The following CLCN7 variants were observed in gnomAD, a reference collection of about 807,000 sequenced individuals.
CLCN7 encodes Cl-/H+ antiporter 7, also known as H(+)/Cl(-) exchange transporter 7.
CLCN7 carries 60 observed loss-of-function variants against 102.1 expected under a neutral mutation model. The ratio of observed to expected loss-of-function variants is 0.59; its 90% CI spans 0.48 to 0.73. CLCN7 has a LOEUF of 0.73. Among genes scored for constraint, CLCN7 ranks in the 30% least tolerant of loss-of-function variants. The pLI, the probability that CLCN7 is intolerant of heterozygous loss-of-function variation, is 0.00. For missense variants in CLCN7, 962 were observed against 1,125.7 expected (o/e 0.85, Z 2.08); for synonymous variants, 560 against 490.5 (o/e 1.14, Z -1.87).
At chr16:1,449,715 G>A (rs2038713798) in intron 17 of CLCN7, 1 of 288,064 alleles carries the variant, frequency 3.5e-6, no homozygotes, top group Non-Finnish European at 6.6e-6. Flanking sequence ...CAGAAAGCGG[G>A]GCACGAGGGT....
intron 6 of CLCN7, 77 bp downstream of exon 6, chr16:1,460,341 G>C: frequency 9.3e-7 from 1 of 1,074,320 alleles, no homozygotes. Context: ...TGGGTGAGCT[G>C]CAGGGGTTCC....
intron 4 of CLCN7, 82 bp downstream of exon 4, chr16:1,461,323 C>A (rs1383431252): frequency 5.6e-6 from 7 of 1,247,850 alleles, no homozygotes; most frequent in African/African-American, 1.5e-5. Context: ...CGTCACCTCA[C>A]CCCGGCAGAA....
chr16:1,462,670 A>C (rs1367071316), intron 2 of CLCN7, among the ~76,000 whole-genome samples: 1 of 142,482 alleles, frequency 7.0e-6, no homozygotes, highest in Non-Finnish European at 1.5e-5. Context: ...AAAGCCAAAA[A>C]AAAAAAAAAA....
intron 11 of CLCN7, 47 bp from the exon 12 acceptor site, chr16:1,455,297 G>T: frequency 8.2e-7 from 1 of 1,223,386 alleles, no homozygotes; most frequent in Non-Finnish European, 1.2e-6. Flanking sequence ...CACGCTCCCA[G>T]CCCAGGGCTC....
chr16:1,461,569 G>A (rs1021684466), intron 3 of CLCN7, 34 bp downstream of exon 3: 11 of 1,611,896 alleles, frequency 6.8e-6, no homozygotes, highest in Non-Finnish European at 9.3e-6. Flanking sequence ...GCAGAGGCCG[G>A]GTCTCAGGGT....
Position 1,448,805 on chromosome 16 carries a change from C to T in CLCN7, c.1798-39G>A, listed in dbSNP as rs1222957319. ...GGGAACACAGGGCTTGAGGAGTCCA[C>T]ACCCACCCCTGGAGCCCCGAGCCTA... On this transcript the variant is annotated intron_variant, in intron 19 of 24. Transcript: ENST00000382745. 5 of 1,604,168 alleles carry T rather than the reference C, an allele frequency of 3.1e-6. No homozygotes were observed. The South Asian group carries it at 5.5e-5, about 18-fold the overall frequency.
At chr16:1,452,550 G>A (rs965789024) in intron 15 of CLCN7, 15 of 605,316 alleles carry the variant, frequency 2.5e-5, no homozygotes, top group East Asian at 5.6e-5. Flanking sequence ...CCATACCACC[G>A]CCCATTCCCC....
intron 19 of CLCN7, 70 bp from the exon 20 acceptor site, chr16:1,448,836 G>A: frequency 6.3e-7 from 1 of 1,598,156 alleles, no homozygotes; most frequent in Non-Finnish European, 8.5e-7. Context: ...GCCTACCCCT[G>A]GGAGCCCAGA....
rs140228719 is a variant in CLCN7, at chr16:1,474,244, A to G, written c.141+590T>C. On this transcript the variant is annotated intron_variant, in intron 1 of 24. Transcript: ENST00000382745. ...CTTATTGTGTTTGCCTGCACATTGC[A>G]AATTCAACTCGGTGCGAAGGGAGAC... 4.5e-4 allele frequency: 206 copies of G among 455,484 alleles called. 2 individuals are homozygous for G. Among genetic ancestry groups the G allele is most frequent in the African/African-American group, 3.3e-3 (165 of 50,146 alleles). 28.2% of individuals were successfully genotyped at this position (455,484 alleles called of 1,614,324 possible). A position where few individuals can be genotyped will look rare whatever the true frequency, so the allele number is the denominator to read the frequency against.
chr16:1,465,802 A>T (rs933098726), intron 1 of CLCN7, among the ~76,000 whole-genome samples: 1 of 152,030 alleles, frequency 6.6e-6, no homozygotes, highest in African/African-American at 2.4e-5. Context: ...CACAGTGTTC[A>T]CGCTGCCCTC....
Position 1,458,953 on chromosome 16 carries a change from C to A in CLCN7, c.675+154G>T, listed in dbSNP as rs544430095. Among the ~76,000 whole-genome samples, 10 of 152,358 alleles carry A rather than the reference C, an allele frequency of 6.6e-5. No individual in the cohort carries two copies. In the East Asian group the frequency reaches 1.9e-3, roughly 29 times the overall value. On this transcript the variant is annotated intron_variant, in intron 7 of 24. Coordinates refer to ENST00000382745, the MANE Select transcript of CLCN7 (RefSeq NM_001287.6). ...TTACCACTTTCAGAAAAAAAGGTGA[C>A]CCCTTCACACCCAGCCAGCCCATCT...
intron 1 of CLCN7, among the ~76,000 whole-genome samples, chr16:1,473,703 T>A (rs892521098): frequency 2.6e-5 from 4 of 151,844 alleles, no homozygotes; most frequent in Admixed American, 2.6e-4. Flanking sequence ...ACAAGACAAG[T>A]GTTTAAAGGA....
rs546564764 is a variant in CLCN7, at chr16:1,457,505, C to T, written c.739-168G>A. 97 of 596,646 alleles carry T rather than the reference C, an allele frequency of 1.6e-4. 1 individual carries two copies. In the East Asian group the frequency reaches 1.6e-3, roughly 10 times the overall value. 37.0% of individuals were successfully genotyped at this position (596,646 alleles called of 1,614,324 possible). On this transcript the variant is annotated intron_variant, in intron 8 of 24. Transcript: ENST00000382745. The surrounding 1 kb of genome is among the most constrained non-coding windows in gnomAD (Gnocchi z 5.4). ...GGCCCTTCCTGGAGACCAGAAGGAC[C>T]GGTGCTCAGAGACACGCGTGACGCG... is the stretch of plus-strand genomic sequence containing the variant.
At chr16:1,449,627 G>A in intron 17 of CLCN7, 1 of 482,092 alleles carries the variant, frequency 2.1e-6, no homozygotes, top group Non-Finnish European at 3.8e-6. Context: ...CCAGCATGAG[G>A]AGTGAAACCC....
At position 1,446,281 on chromosome 16, in the gene CLCN7, C is replaced by T. The variant is rs768419661; in HGVS notation, c.*350G>A. 32 of 695,596 alleles carry T rather than the reference C, an allele frequency of 4.6e-5. No homozygotes were observed. The highest frequency in any genetic ancestry group is 2.1e-4 in the East Asian group (8 of 37,288). 43.1% of individuals were successfully genotyped at this position (695,596 alleles called of 1,614,324 possible). On this transcript the variant is annotated 3_prime_UTR_variant, in exon 25 of 25. Coordinates refer to ENST00000382745, the MANE Select transcript of CLCN7 (RefSeq NM_001287.6). ...GGGCAAGGGCTCTGTCTCACGCACA[C>T]GGGCACAGGCACGCAGGTGCCGGCC...
chr16:1,460,714 C>T, intron 5 of CLCN7, 102 bp downstream of exon 5: 9 of 1,574,942 alleles, frequency 5.7e-6, no homozygotes, highest in Non-Finnish European at 7.0e-6. Flanking sequence ...GCCGGGCCGC[C>T]TCCACCTGCA....
intron 14 of CLCN7, 36 bp from the exon 15 acceptor site, chr16:1,452,929 C>T (rs762226788): frequency 1.9e-5 from 29 of 1,554,188 alleles, no homozygotes; most frequent in Middle Eastern, 3.3e-4. Flanking sequence ...GCAGGCAGGA[C>T]GGCAGCGCGG....
chr16:1,472,590 A>G (rs139629251), intron 1 of CLCN7: 16 of 152,274 alleles, frequency 1.1e-4, no homozygotes, highest in African/African-American at 3.9e-4. Flanking sequence ...CAACTCTTCT[A>G]TTTGCAAAGA....
chr16:1,447,244 C>G, intron 23 of CLCN7, 148 bp downstream of exon 23: 1 of 1,170,136 alleles, frequency 8.5e-7, no homozygotes, highest in South Asian at 1.4e-5. Flanking sequence ...GACTTCAGCT[C>G]TAAAGCCTGC....
Sources: allele counts gnomAD v4.1 joint callset (sites outside exome capture counted in the v4.1 genomes callset), GRCh38; gene constraint gnomAD v4.1.1; non-coding constraint Gnocchi (gnomAD v3.1); transcripts MANE v1.5; gene names NCBI Gene and HGNC (gene_info 2026-07-23, HGNC 2026-07-21).